Variants in MTREX observed in about 807,000 individuals in gnomAD.
MTREX encodes exosome RNA helicase MTR4.
In MTREX, 76 loss-of-function variants were observed where a neutral mutation model predicts 135.4. The ratio of observed to expected loss-of-function variants is 0.56; its 90% confidence interval spans 0.47 to 0.68. MTREX has a LOEUF of 0.68. Among genes scored for constraint, MTREX ranks in the 30% least tolerant of loss-of-function variants. The probability of loss-of-function intolerance (pLI) is 0.00; values close to 1 mark genes in which losing one functional copy is unlikely to be tolerated. For missense variants in MTREX, 920 were observed against 1,262.1 expected (o/e 0.73, Z 4.11); for synonymous variants, 404 against 401.6 (o/e 1.01, Z -0.07).
chr5:55,345,273 G>A, intron 10 of MTREX, 77 bp downstream of exon 10: 1 of 939,942 alleles, frequency 1.1e-6, no homozygotes, highest in Non-Finnish European at 1.7e-6. Context: ...TTTTGTCTTA[G>A]TTTTTTTTTC....
At chr5:55,374,959 G>A (rs1047594178) in intron 16 of MTREX, among the ~76,000 whole-genome samples, 1 of 152,138 alleles carries the variant, frequency 6.6e-6, no homozygotes, top group Non-Finnish European at 1.5e-5. Context: ...GGGCGTCCAG[G>A]GGAGACATCA....
chr5:55,334,049 A>G (rs1365422349), intron 5 of MTREX, among the ~76,000 whole-genome samples: 13 of 152,160 alleles, frequency 8.5e-5, no homozygotes, highest in Non-Finnish European at 1.8e-4. Flanking sequence ...TGAAAACATT[A>G]TGCGTACTAA....
intron 20 of MTREX, among the ~76,000 whole-genome samples, chr5:55,399,014 A>G (rs942463752): frequency 5.9e-5 from 9 of 152,192 alleles, no homozygotes; most frequent in Non-Finnish European, 1.2e-4. Context: ...CATTAATTAT[A>G]CTTTTTAAAC....
intron 19 of MTREX, among the ~76,000 whole-genome samples, chr5:55,396,307 A>C (rs1420837802): frequency 1.3e-5 from 2 of 152,148 alleles, no homozygotes; most frequent in Non-Finnish European, 2.9e-5. Flanking sequence ...GTAATGTATA[A>C]AGGTCATTAG....
chr5:55,406,403 T>C (rs1750806892), intron 22 of MTREX, among the ~76,000 whole-genome samples: 2 of 152,172 alleles, frequency 1.3e-5, no homozygotes, highest in African/African-American at 4.8e-5. Context: ...GGTTTGGGCT[T>C]CTTCACAGTA....
At chr5:55,405,664 A>C (rs963829479) in intron 22 of MTREX, 76 bp downstream of exon 22, 1 of 1,329,994 alleles carries the variant, frequency 7.5e-7, no homozygotes, top group South Asian at 1.5e-5. Context: ...ATTTTTTTTG[A>C]GATGGAGTCT....
chr5:55,405,636 T>C, intron 22 of MTREX, 48 bp downstream of exon 22: 1 of 1,494,798 alleles, frequency 6.7e-7, no homozygotes, highest in Non-Finnish European at 9.1e-7. Context: ...TTTTCATTTT[T>C]AATTTTAATT....
chr5:55,347,205 T>C, intron 11 of MTREX, 61 bp downstream of exon 11: 1 of 1,470,846 alleles, frequency 6.8e-7, no homozygotes, highest in South Asian at 1.3e-5. Flanking sequence ...AATATATTTC[T>C]AGTAATATTT....
intron 2 of MTREX, among the ~76,000 whole-genome samples, chr5:55,323,163 G>T (rs1749315930): frequency 6.6e-6 from 1 of 151,984 alleles, no homozygotes; most frequent in Non-Finnish European, 1.5e-5. Context: ...TGTGTCACTG[G>T]AATATTTAAG....
chr5:55,396,868 A>G (rs1156928776), intron 19 of MTREX, among the ~76,000 whole-genome samples: 2 of 152,212 alleles, frequency 1.3e-5, no homozygotes, highest in African/African-American at 4.8e-5. Flanking sequence ...AGAGCAGTTG[A>G]AAGGAAGCAA....
At chr5:55,379,827 A>T (rs1750365281) in intron 18 of MTREX, among the ~76,000 whole-genome samples, 1 of 152,224 alleles carries the variant, frequency 6.6e-6, no homozygotes, top group Non-Finnish European at 1.5e-5. Context: ...TTGCCAGTTT[A>T]CTCATTCCAT....
intron 16 of MTREX, among the ~76,000 whole-genome samples, chr5:55,377,754 TTTGTTATAATG>T (rs1312779011): frequency 3.9e-5 from 6 of 152,170 alleles, no homozygotes; most frequent in Non-Finnish European, 8.8e-5. Flanking sequence ...TTGTTAGTCT[TTTGTTATAATG>T]TTGGGTCAGA....
intron 7 of MTREX, among the ~76,000 whole-genome samples, chr5:55,342,318 G>A (rs1019352196): frequency 6.6e-6 from 1 of 152,168 alleles, no homozygotes; most frequent in African/African-American, 2.4e-5. Context: ...TTCAAATAAA[G>A]CAAAAGAAAT....
intron 2 of MTREX, 135 bp from the exon 3 acceptor site, chr5:55,323,997 A>G: frequency 1.6e-6 from 1 of 634,994 alleles, no homozygotes; most frequent in Non-Finnish European, 2.8e-6. Context: ...TGTATTCTTA[A>G]TAGCCAAAGT....
At chr5:55,368,302 T>C (rs972835721) in intron 16 of MTREX, among the ~76,000 whole-genome samples, 23 of 151,948 alleles carry the variant, frequency 1.5e-4, no homozygotes, top group African/African-American at 4.6e-4. Flanking sequence ...TACAAAAAAA[T>C]TAGCCGGGCA....
intron 5 of MTREX, among the ~76,000 whole-genome samples, chr5:55,333,484 G>C (rs1749507564): frequency 6.6e-6 from 1 of 152,114 alleles, no homozygotes; most frequent in Non-Finnish European, 1.5e-5. Context: ...ATAATAATTT[G>C]ATTTTTGGCC....
At chr5:55,327,573 A>T in intron 3 of MTREX, 143 bp from the exon 4 acceptor site, 2 of 618,262 alleles carry the variant, frequency 3.2e-6, no homozygotes, top group East Asian at 5.5e-5. Context: ...CAGTTATTTG[A>T]TTTACAGTGT....
chr5:55,362,766 G>A (rs1312588584), intron 15 of MTREX, among the ~76,000 whole-genome samples: 1 of 152,170 alleles, frequency 6.6e-6, no homozygotes, highest in Non-Finnish European at 1.5e-5. Context: ...AAATGAGAAA[G>A]TGTGTATTAT....
chr5:55,422,467 C>T (rs1167757883), intron 25 of MTREX, among the ~76,000 whole-genome samples: 2 of 152,164 alleles, frequency 1.3e-5, no homozygotes, highest in Non-Finnish European at 2.9e-5. Flanking sequence ...CTAGGCCACA[C>T]TCAGGGTCCT....
Sources: gnomAD v4.1 joint callset for allele counts (sites outside exome capture counted in the v4.1 genomes callset) on GRCh38, gnomAD v4.1.1 for gene constraint, MANE v1.5 for transcripts, NCBI Gene and HGNC (gene_info 2026-07-23, HGNC 2026-07-21) for gene names.